FGGY: variants seen among roughly 807,000 people sequenced by gnomAD.
FGGY encodes FGGY carbohydrate kinase domain containing.
A neutral mutation model predicts 71.3 loss-of-function variants in FGGY; 72 were observed. That is an observed-to-expected ratio of 1.01 (90% CI 0.84 to 1.23). The LOEUF (loss-of-function observed/expected upper bound fraction) is 1.23. FGGY is among the 50% of genes most tolerant of loss of function. The pLI is 0.00. For synonymous variants in FGGY, 251 were observed against 250.3 expected (o/e 1.00, Z -0.02); for missense variants, 668 against 682.3 (o/e 0.98, Z 0.23).
At chr1:59,533,947 G>A (rs2095239436) in intron 7 of FGGY, among the ~76,000 whole-genome samples, 1 of 152,230 alleles carries the variant, frequency 6.6e-6, no homozygotes, top group Non-Finnish European at 1.5e-5. Context: ...AAGGAACGGA[G>A]TTCCTCACCA....
intron 6 of FGGY, among the ~76,000 whole-genome samples, chr1:59,497,612 C>A (rs1452574803): frequency 3.3e-5 from 5 of 152,194 alleles, no homozygotes; most frequent in South Asian, 4.1e-4. Flanking sequence ...ACAAAAAAAA[C>A]CAGAGTAGAA....
intron 14 of FGGY, among the ~76,000 whole-genome samples, chr1:59,746,231 A>G (rs547493355): frequency 6.6e-6 from 1 of 152,318 alleles, no homozygotes; most frequent in East Asian, 1.9e-4. Flanking sequence ...ATTAGGTGGC[A>G]TAAACCTCAG....
chr1:59,656,214 T>C (rs1447819365), intron 11 of FGGY, among the ~76,000 whole-genome samples: 1 of 152,188 alleles, frequency 6.6e-6, no homozygotes. Context: ...ACATTCAAAA[T>C]AGGCACAGGC....
chr1:59,476,501 A>G (rs1485065580), intron 6 of FGGY, among the ~76,000 whole-genome samples: 2 of 152,220 alleles, frequency 1.3e-5, no homozygotes, highest in African/African-American at 4.8e-5. Flanking sequence ...GGCTGCGCTG[A>G]TACAGCTGCA....
chr1:59,479,186 C>T (rs1420796762), intron 6 of FGGY, among the ~76,000 whole-genome samples: 2 of 152,098 alleles, frequency 1.3e-5, no homozygotes, highest in South Asian at 2.1e-4. Context: ...TGGGTTCAAG[C>T]CAAGACAGGT....
Position 59,491,069 on chromosome 1 carries a change from T to TTCCCTCCCTC in FGGY, c.671-21242_671-21241insTCCCTCCCTC, listed in dbSNP as rs2093836557. Among the ~76,000 whole-genome samples the TTCCCTCCCTC allele has an allele frequency of 8.5e-4, 2 of 2,362 alleles. 1 individual carries two copies. Among genetic ancestry groups the TTCCCTCCCTC allele is most frequent in the African/African-American group, 7.0e-3 (2 of 284 alleles). 1.5% of individuals were successfully genotyped at this position (2,362 alleles called of 152,430 possible). ...TTCCTTCCTTCCTTCCTTCCTTCCT[T>TTCCCTCCCTC]CCTTCCTTCCTTCCTTCCTTCCTTC... On this transcript the variant is annotated intron_variant, in intron 6 of 15. Transcript: ENST00000303721.
intron 4 of FGGY, among the ~76,000 whole-genome samples, chr1:59,364,730 G>A (rs17119329): frequency 0.32 from 48,870 of 152,126 alleles, 8,235 homozygotes; most frequent in African/African-American, 0.42. Flanking sequence ...AAGAGCATCT[G>A]ACTCAGCATA....
intron 11 of FGGY, among the ~76,000 whole-genome samples, chr1:59,639,693 G>A (rs2097000212): frequency 6.6e-6 from 1 of 152,208 alleles, no homozygotes; most frequent in Non-Finnish European, 1.5e-5. Flanking sequence ...CAGTTAAGAA[G>A]CTTGACCAGT....
chr1:59,727,093 C>CAAG (rs2097956644), intron 14 of FGGY, among the ~76,000 whole-genome samples: 2 of 152,130 alleles, frequency 1.3e-5, no homozygotes, highest in African/African-American at 4.8e-5. Flanking sequence ...ATGTTTATGT[C>CAAG]CATGTCTGCT....
Position 59,716,186 on chromosome 1 carries a change from AC to A in FGGY, c.1513-41743del, listed in dbSNP as rs1390032850. Among the ~76,000 whole-genome samples the A allele has an allele frequency of 2.0e-5, 3 of 152,320 alleles. No homozygotes were observed. In the East Asian group the frequency reaches 5.8e-4, roughly 29 times the overall value. ...CCTGACTCCAGAACTTGTGTTAGTC[AC>A]CAGTATCTTATATATAATATATATG... On this transcript the variant is annotated intron_variant, in intron 14 of 15. Transcript: ENST00000303721.
chr1:59,321,366 A>C lies in FGGY; in HGVS notation c.-14-170A>C, dbSNP rs574811347. 1.3e-3 allele frequency among the ~76,000 whole-genome samples: 195 copies of C among 152,320 alleles called. 1 individual carries two copies. The highest frequency in any genetic ancestry group is 4.3e-3 in the African/African-American group (180 of 41,564). ...GTGCTGTTCACCCACCATGTAGCTC[A>C]ATGTTTATTAGTATACTGTTATCAC... On this transcript the variant is annotated intron_variant, in intron 1 of 15. Transcript: ENST00000303721.
chr1:59,477,703 T>TC (rs916847934), intron 6 of FGGY, among the ~76,000 whole-genome samples: 22 of 152,260 alleles, frequency 1.4e-4, no homozygotes, highest in African/African-American at 5.3e-4. Flanking sequence ...ACTGTAATTT[T>TC]CCCCCCACTG....
rs139993207 is a variant in FGGY at position 59,322,001 on chromosome 1, C to G, written c.201+251C>G. ...CTAACCGGAGGGGGCTCAGGGAAGA[C>G]AGGACAGCTTGAGGTGTGACCACAT... On this transcript the variant is annotated intron_variant, in intron 2 of 15. Transcript: ENST00000303721. 7.8e-3 allele frequency among the ~76,000 whole-genome samples: 1,189 copies of G among 152,248 alleles called. 10 individuals are homozygous for G. Among genetic ancestry groups the G allele is most frequent in the Middle Eastern group, 0.02 (6 of 294 alleles).
At chr1:59,709,275 G>A (rs772293396) in intron 14 of FGGY, among the ~76,000 whole-genome samples, 16 of 152,180 alleles carry the variant, frequency 1.1e-4, no homozygotes, top group Non-Finnish European at 1.9e-4. Context: ...AAGACAGCAG[G>A]AAAAAGAGTG....
At chr1:59,422,150 G>A (rs1001307624) in intron 5 of FGGY, among the ~76,000 whole-genome samples, 24 of 152,186 alleles carry the variant, frequency 1.6e-4, no homozygotes, top group Non-Finnish European at 1.5e-5. Flanking sequence ...ATTTAGTGAC[G>A]ATACTTGGAT....
intron 8 of FGGY, among the ~76,000 whole-genome samples, chr1:59,557,210 G>A (rs2095704105): frequency 6.6e-6 from 1 of 152,104 alleles, no homozygotes; most frequent in South Asian, 2.1e-4. Context: ...CCACTGTGAG[G>A]AAAAATTAAC....
rs182365595 is a variant in FGGY at position 59,755,511 on chromosome 1, G to C, written c.1513-2420G>C. ...TCAATATAGGTGGGAGGCAGGCAGC[G>C]GGGATGAGTCAGAAAAAAATCTCAG... On this transcript the variant is annotated intron_variant, in intron 14 of 15. Transcript: ENST00000303721. 7.6e-4 allele frequency: 116 copies of C among 152,274 alleles called. 1 individual carries two copies. Among genetic ancestry groups the C allele is most frequent in the African/African-American group, 2.7e-3 (112 of 41,560 alleles). The allele number at this position is 152,274 out of a possible 1,614,324, so 9.4% of individuals were successfully genotyped here.
intron 14 of FGGY, among the ~76,000 whole-genome samples, chr1:59,705,381 G>T (rs2154022706): frequency 6.6e-6 from 1 of 152,280 alleles, no homozygotes; most frequent in Middle Eastern, 3.4e-3. Flanking sequence ...ATGTGCCCAA[G>T]AGTAAACTTT....
At chr1:59,560,135 T>G (rs1558350881) in intron 8 of FGGY, among the ~76,000 whole-genome samples, 1 of 152,192 alleles carries the variant, frequency 6.6e-6, no homozygotes, top group Admixed American at 6.5e-5. Flanking sequence ...TACGTACCCT[T>G]GATATGATGT....
Sources: allele counts gnomAD v4.1 joint callset (sites outside exome capture counted in the v4.1 genomes callset), GRCh38; gene constraint gnomAD v4.1.1; transcripts MANE v1.5; gene names NCBI Gene and HGNC (gene_info 2026-07-23, HGNC 2026-07-21).